The following SLC44A5 variants were observed in gnomAD, a reference collection of about 807,000 sequenced individuals.
SLC44A5 encodes choline transporter-like protein 5.
SLC44A5 carries 57 observed loss-of-function variants against 101.8 expected under a neutral mutation model. That is an observed-to-expected ratio of 0.56 (90% CI 0.45 to 0.70). The LOEUF is 0.70. Ranked by LOEUF, SLC44A5 falls within the 30% of genes least tolerant of loss-of-function variation. SLC44A5 has a pLI of 0.00. For missense variants in SLC44A5, 737 were observed against 853.1 expected, an observed-to-expected ratio of 0.86 and a Z score of 1.70; for synonymous variants, 281 against 290.9, an observed-to-expected ratio of 0.97 and a Z score of 0.35.
At chr1:75,507,531 C>A (rs1311047244) in intron 2 of SLC44A5, among the ~76,000 whole-genome samples, 1 of 151,906 alleles carries the variant, frequency 6.6e-6, no homozygotes. Context: ...TGTGTCTTTG[C>A]CAGGTTTTGG....
the SLC44A5 span, among the ~76,000 whole-genome samples, chr1:75,640,238 A>C: frequency 6.6e-6 from 1 of 151,946 alleles, no homozygotes; most frequent in Non-Finnish European, 1.5e-5. Context: ...AACTTCTCTT[A>C]CATGTCTACA....
chr1:75,305,872 T>A (rs1262308775), intron 4 of SLC44A5, among the ~76,000 whole-genome samples: 1 of 152,224 alleles, frequency 6.6e-6, no homozygotes, highest in African/African-American at 2.4e-5. Flanking sequence ...CTCTCTCTAA[T>A]CCCCGTAGAC....
At chr1:75,245,368 C>T (rs1570457704) in intron 7 of SLC44A5, among the ~76,000 whole-genome samples, 1 of 152,256 alleles carries the variant, frequency 6.6e-6, no homozygotes, top group Non-Finnish European at 1.5e-5. Context: ...ACACCCACAT[C>T]TTTTAGAAGG....
At chr1:75,681,996 C>T in the SLC44A5 span, among the ~76,000 whole-genome samples, 1 of 152,154 alleles carries the variant, frequency 6.6e-6, no homozygotes, top group South Asian at 2.1e-4. Context: ...AGTGAACTCC[C>T]ATTCATAATT....
chr1:75,294,900 T>C (rs1329407896), intron 5 of SLC44A5, among the ~76,000 whole-genome samples: 3 of 152,018 alleles, frequency 2.0e-5, no homozygotes, highest in Admixed American at 1.3e-4. Flanking sequence ...TAGGAGATAA[T>C]GGATAAAAAG....
chr1:75,494,073 C>T (rs1046073202), intron 2 of SLC44A5, among the ~76,000 whole-genome samples: 5 of 152,118 alleles, frequency 3.3e-5, no homozygotes, highest in African/African-American at 9.7e-5. Context: ...CAAGTGGAAC[C>T]TTTGAGAGGT....
At chr1:75,444,409 GAGAA>G (rs1317016849) in intron 2 of SLC44A5, among the ~76,000 whole-genome samples, 4 of 142,588 alleles carry the variant, frequency 2.8e-5, no homozygotes, top group African/African-American at 5.2e-5. Flanking sequence ...AGGAGAGAAA[GAGAA>G]AGAGAGAGAG....
At chr1:75,245,699 A>G (rs1649046111) in intron 7 of SLC44A5, among the ~76,000 whole-genome samples, 1 of 152,150 alleles carries the variant, frequency 6.6e-6, no homozygotes, top group African/African-American at 2.4e-5. Flanking sequence ...AACACATAAA[A>G]GAAAGTAATT....
Position 75,203,577 on chromosome 1 carries a change from A to G in SLC44A5, c.*150T>C, listed in dbSNP as rs1269464137. ...TTCTGATGGCTTCACATAGTACAGT[A>G]TAAGCTTTGGTATAAAACATGCAAA... On this transcript the variant is annotated 3_prime_UTR_variant, in exon 24 of 24. Transcript: ENST00000370859. 8.1e-6 allele frequency: 7 copies of G among 867,340 alleles called. No homozygotes were observed. The highest frequency in any genetic ancestry group is 1.0e-5 in the Non-Finnish European group (6 of 591,614). The allele number at this position is 867,340 out of a possible 1,614,324, so 53.7% of individuals were successfully genotyped here. A position where few individuals can be genotyped will look rare whatever the true frequency, so the allele number is the denominator to read the frequency against.
chr1:75,577,866 A>G (rs1673461979), intron 1 of SLC44A5, among the ~76,000 whole-genome samples: 1 of 152,194 alleles, frequency 6.6e-6, no homozygotes, highest in Admixed American at 6.5e-5. Flanking sequence ...CTAAGTGTAC[A>G]ATAAATGTTA....
At position 75,300,652 on chromosome 1, in the gene SLC44A5, G is replaced by A. The variant is rs1654385099; in HGVS notation, c.135C>T (p.Phe45=). 2 of 1,606,178 alleles carry A rather than the reference G, an allele frequency of 1.2e-6. No individual in the cohort carries two copies. The highest frequency in any genetic ancestry group is 1.1e-5 in the South Asian group (1 of 89,544). ...CAATGTAGCCAATAATACACAGTAGGAAGATCATACAGCACAGAACATCTG... is the reference window on the plus strand; with the variant it reads ...CAATGTAGCCAATAATACACAGTAGAAAGATCATACAGCACAGAACATCTG... ...SCTDVLCCMI[F]LLCIIGYIVL... is the part of the protein sequence containing the mutation. Residue 45 remains phenylalanine (F), a synonymous_variant, in exon 5 of 24, where the codon TTC becomes TTT. Coordinates refer to ENST00000370859, the MANE Select transcript of SLC44A5 (RefSeq NM_001130058.2).
At chr1:75,321,383 C>G (rs531046890) in intron 4 of SLC44A5, among the ~76,000 whole-genome samples, 2 of 152,186 alleles carry the variant, frequency 1.3e-5, no homozygotes, top group Non-Finnish European at 2.9e-5. Context: ...GCCAGCCAAT[C>G]TGGTTCCTTA....
At chr1:75,342,771 T>C (rs1355505199) in intron 3 of SLC44A5, among the ~76,000 whole-genome samples, 3 of 152,166 alleles carry the variant, frequency 2.0e-5, no homozygotes, top group Non-Finnish European at 2.9e-5. Flanking sequence ...AGAAAGTGGA[T>C]TGCAGTGTAA....
At chr1:75,635,281 C>T in the SLC44A5 span, among the ~76,000 whole-genome samples, 229 of 151,676 alleles carry the variant, frequency 1.5e-3, no homozygotes, top group African/African-American at 5.2e-3. Flanking sequence ...ACTAGAAATA[C>T]CATTTGACCC....
At chr1:75,450,915 T>C (rs192497607) in intron 2 of SLC44A5, among the ~76,000 whole-genome samples, 79 of 152,274 alleles carry the variant, frequency 5.2e-4, no homozygotes, top group African/African-American at 1.8e-3. Context: ...CACCCCACCT[T>C]TCCTGACTTA....
At chr1:75,409,669 TA>T (rs1663146378) in intron 2 of SLC44A5, among the ~76,000 whole-genome samples, 1 of 152,126 alleles carries the variant, frequency 6.6e-6, no homozygotes, top group African/African-American at 2.4e-5. Flanking sequence ...TAATTATTTT[TA>T]AAATTATTGA....
the SLC44A5 span, among the ~76,000 whole-genome samples, chr1:75,617,166 A>G: frequency 6.6e-6 from 1 of 152,124 alleles, no homozygotes. Context: ...AGAGGCTACA[A>G]TATCGAATTT....
intron 1 of SLC44A5, among the ~76,000 whole-genome samples, chr1:75,545,770 A>G (rs936317515): frequency 1.3e-5 from 2 of 151,522 alleles, no homozygotes; most frequent in Non-Finnish European, 1.5e-5. Flanking sequence ...TTGATCTTCT[A>G]CCTTTACTAT....
intron 2 of SLC44A5, among the ~76,000 whole-genome samples, chr1:75,437,863 T>A (rs1664976364): frequency 6.6e-6 from 1 of 152,176 alleles, no homozygotes; most frequent in Non-Finnish European, 1.5e-5. Flanking sequence ...AGCTTCCCTG[T>A]TGAAAGACTG....
Sources: allele counts gnomAD v4.1 joint callset (sites outside exome capture counted in the v4.1 genomes callset), GRCh38; gene constraint gnomAD v4.1.1; transcripts MANE v1.5; gene names NCBI Gene and HGNC (gene_info 2026-07-23, HGNC 2026-07-21).